PRKCE: variants seen among roughly 807,000 people sequenced by gnomAD.
PRKCE encodes the protein protein kinase C epsilon.
Under a neutral mutation model 85.4 loss-of-function variants are expected in PRKCE, and 16 were observed. That is an observed-to-expected ratio of 0.19 (90% CI 0.13 to 0.28). The LOEUF is 0.28. PRKCE is among the 10% of genes least tolerant of loss of function. The probability of loss-of-function intolerance (pLI) is 1.00; values close to 1 mark genes in which losing one functional copy is unlikely to be tolerated. For missense variants in PRKCE, 573 were observed against 975.2 expected (o/e 0.59, Z 5.49); for synonymous variants, 388 against 371.5 (o/e 1.04, Z -0.51).
chr2:45,976,264 C>T (rs1260332415), intron 2 of PRKCE, among the ~76,000 whole-genome samples, 165 bp from the exon 3 acceptor site: 1 of 152,198 alleles, frequency 6.6e-6, no homozygotes, highest in Non-Finnish European at 1.5e-5. Context: ...ACTCCAGCTG[C>T]TCAGTGGGAC....
Position 45,672,445 on chromosome 2 carries a change from T to G in PRKCE, c.348+19997T>G, listed in dbSNP as rs944881897. On this transcript the variant is annotated intron_variant, in intron 1 of 14. Coordinates refer to ENST00000306156, the MANE Select transcript of PRKCE (RefSeq NM_005400.3). Reference sequence around the variant, plus strand: ...ATTCATCTATCTCTCCATCCATCCATCCAGCCAGCCAGCCAGCCAGCTGGA... The same window carrying G: ...ATTCATCTATCTCTCCATCCATCCAGCCAGCCAGCCAGCCAGCCAGCTGGA... Among the ~76,000 whole-genome samples, 69 of 152,252 alleles carry G rather than the reference T, an allele frequency of 4.5e-4. 1 individual carries two copies. Among genetic ancestry groups the G allele is most frequent in the Middle Eastern group, 3.4e-3 (1 of 294 alleles).
intron 2 of PRKCE, among the ~76,000 whole-genome samples, chr2:45,918,796 A>C (rs1157381121): frequency 6.6e-6 from 1 of 152,096 alleles, no homozygotes; most frequent in Non-Finnish European, 1.5e-5. Context: ...GGGAGGGGAG[A>C]AGTGCAGGTC....
intron 2 of PRKCE, among the ~76,000 whole-genome samples, chr2:45,917,590 G>A (rs568336806): frequency 6.6e-6 from 1 of 152,362 alleles, no homozygotes; most frequent in African/African-American, 2.4e-5. Context: ...ACCAGATTCA[G>A]GAGCCCAGCT....
intron 14 of PRKCE, among the ~76,000 whole-genome samples, chr2:46,166,621 C>A (rs1260161310): frequency 1.3e-5 from 2 of 152,214 alleles, no homozygotes; most frequent in East Asian, 3.8e-4. Flanking sequence ...TTCACCTCAC[C>A]CCTGGACCTC....
chr2:46,116,005 ATTGGGGTGAGGT>A (rs1430404442), intron 11 of PRKCE, among the ~76,000 whole-genome samples: 3 of 152,316 alleles, frequency 2.0e-5, no homozygotes, highest in African/African-American at 7.2e-5. Flanking sequence ...GGGCAGGAGG[ATTGGGGTGAGGT>A]TTCTCCATAA....
chr2:46,070,638 G>A (rs992381373), intron 10 of PRKCE, among the ~76,000 whole-genome samples: 9 of 109,600 alleles, frequency 8.2e-5, no homozygotes, highest in African/African-American at 1.8e-4. Context: ...GCAAGACTCC[G>A]TCTCAAAAAA....
chr2:45,993,619 CAAGTT>C (rs1345922475), intron 6 of PRKCE, among the ~76,000 whole-genome samples: 1 of 152,138 alleles, frequency 6.6e-6, no homozygotes, highest in East Asian at 1.9e-4. Context: ...GTTATGTAGA[CAAGTT>C]AGTTGCCCTT....
At chr2:45,858,371 T>TA (rs1692851233) in intron 2 of PRKCE, among the ~76,000 whole-genome samples, 1 of 141,416 alleles carries the variant, frequency 7.1e-6, no homozygotes. Context: ...TTAGAAATGA[T>TA]GGGGTTTTTT....
intron 2 of PRKCE, among the ~76,000 whole-genome samples, chr2:45,871,684 G>C (rs1462647919): frequency 6.6e-6 from 1 of 152,152 alleles, no homozygotes; most frequent in Non-Finnish European, 1.5e-5. Context: ...ATTTTTCTTT[G>C]CAGAGATGAG....
chr2:46,051,920 A>T (rs1033040532), intron 10 of PRKCE, among the ~76,000 whole-genome samples: 13 of 152,190 alleles, frequency 8.5e-5, no homozygotes, highest in African/African-American at 2.9e-4. Flanking sequence ...AAACTGCCTT[A>T]TGAAGCCATC....
rs552286011 is a variant in PRKCE at position 46,144,856 on chromosome 2, T to A, written c.1593-237T>A. The stretch of plus-strand genomic sequence containing the variant: ...TAGCTCTATTAAACCACAGCAGTCT[T>A]GATATATTCCTGGGGTTACAGAAGT... On this transcript the variant is annotated intron_variant, in intron 11 of 14. Coordinates refer to ENST00000306156, the MANE Select transcript of PRKCE (RefSeq NM_005400.3). Among the ~76,000 whole-genome samples the A allele has an allele frequency of 1.2e-4, 19 of 152,306 alleles. No individual in the cohort carries two copies. The Middle Eastern group carries it at 0.014, about 109-fold the overall frequency.
chr2:45,848,531 G>A (rs542455520), intron 2 of PRKCE, among the ~76,000 whole-genome samples: 9 of 152,214 alleles, frequency 5.9e-5, no homozygotes, highest in African/African-American at 1.7e-4. Context: ...GGCTGGTCTC[G>A]AACTCCTGAC....
At chr2:45,871,796 G>C (rs1214497452) in intron 2 of PRKCE, among the ~76,000 whole-genome samples, 1 of 152,220 alleles carries the variant, frequency 6.6e-6, no homozygotes, top group Non-Finnish European at 1.5e-5. Flanking sequence ...GACTGCCCCA[G>C]AGAGGAGAGA....
At chr2:45,982,239 C>T (rs1004850813) in intron 5 of PRKCE, among the ~76,000 whole-genome samples, 1 of 152,246 alleles carries the variant, frequency 6.6e-6, no homozygotes, top group African/African-American at 2.4e-5. Context: ...TGCCGGGTTA[C>T]TGAACTGCTG....
intron 1 of PRKCE, among the ~76,000 whole-genome samples, chr2:45,825,567 A>C (rs1198215911): frequency 6.6e-6 from 1 of 152,162 alleles, no homozygotes; most frequent in Admixed American, 6.5e-5. Context: ...CATGAAATCA[A>C]TGTTACACCT....
intron 1 of PRKCE, among the ~76,000 whole-genome samples, chr2:45,760,498 T>C (rs907367088): frequency 7.9e-5 from 12 of 152,206 alleles, no homozygotes; most frequent in Admixed American, 3.3e-4. Context: ...CACAGTGGCA[T>C]AATAAACATA....
rs1257053260 is a variant in PRKCE at position 45,984,556 on chromosome 2, C to A, written c.699C>A (p.Gly233=). ...GTATCTTGCCATCCCTGCAGGTGGG[C>A]TCCCAGCGGTTCAGCGTCAACATGC... is the stretch of plus-strand genomic sequence containing the variant. ...LKKQETPDQV[G]SQRFSVNMPH... Residue 233 remains glycine, a synonymous_variant, in exon 6 of 15, where the codon GGC becomes GGA. Transcript: ENST00000306156. 4 of 1,599,604 alleles carry A rather than the reference C, an allele frequency of 2.5e-6. No homozygotes were observed. The highest frequency in any genetic ancestry group is 3.4e-6 in the Non-Finnish European group (4 of 1,179,852).
At chr2:45,944,030 T>C (rs1289927558) in intron 2 of PRKCE, among the ~76,000 whole-genome samples, 1 of 152,242 alleles carries the variant, frequency 6.6e-6, no homozygotes, top group Admixed American at 6.5e-5. Flanking sequence ...GGGCGATGGC[T>C]GAGTCAGATG....
intron 2 of PRKCE, among the ~76,000 whole-genome samples, chr2:45,858,204 C>T (rs111474824): frequency 0.026 from 4,034 of 152,276 alleles, 66 homozygotes; most frequent in Middle Eastern, 0.082. Flanking sequence ...CTTCTAGCCG[C>T]GACACTACCA....
Sources: allele counts gnomAD v4.1 joint callset (sites outside exome capture counted in the v4.1 genomes callset), GRCh38; gene constraint gnomAD v4.1.1; transcripts MANE v1.5; gene names NCBI Gene and HGNC (gene_info 2026-07-23, HGNC 2026-07-21).